The following RPS6KA2 variants were observed in gnomAD, a reference collection of about 807,000 sequenced individuals.
The protein encoded by RPS6KA2 is ribosomal protein S6 kinase alpha-2.
A neutral mutation model predicts 91.8 loss-of-function variants in RPS6KA2; 42 were observed. That is an observed-to-expected ratio of 0.46 (90% CI 0.36 to 0.59). The LOEUF is 0.59. RPS6KA2 is among the 20% of genes least tolerant of loss of function. RPS6KA2 has a pLI of 0.00. For synonymous variants in RPS6KA2, 414 were observed against 393.6 expected (o/e 1.05, Z -0.61); for missense variants, 798 against 978.5 (o/e 0.82, Z 2.46).
intron 1 of RPS6KA2, among the ~76,000 whole-genome samples, chr6:166,544,307 C>G (rs140620269): frequency 6.6e-6 from 1 of 152,122 alleles, no homozygotes; most frequent in Non-Finnish European, 1.5e-5. Flanking sequence ...TAGCCTCTTC[C>G]GGAAAAGAAA....
chr6:166,545,281 T>C (rs1412769692), intron 1 of RPS6KA2, among the ~76,000 whole-genome samples: 1 of 152,226 alleles, frequency 6.6e-6, no homozygotes, highest in Non-Finnish European at 1.5e-5. Flanking sequence ...CTCTGTTTTC[T>C]CATCCATCCT....
Position 166,514,071 on chromosome 6 carries a change from C to T in RPS6KA2, c.299-3714G>A, listed in dbSNP as rs940986600. Among the ~76,000 whole-genome samples, 15 of 152,222 alleles carry T rather than the reference C, an allele frequency of 9.9e-5. No individual in the cohort carries two copies. The Middle Eastern group carries it at 0.01, about 104-fold the overall frequency. On this transcript the variant is annotated intron_variant, in intron 3 of 20. Transcript: ENST00000265678. The stretch of plus-strand genomic sequence containing the variant: ...AACTGGAAAATAGGCCATAGGATCG[C>T]GGATTGTGGGGAGATGTGGGAGCAA...
chr6:166,699,687 G>A (rs1307131430), intron 2 of RPS6KA2, among the ~76,000 whole-genome samples: 3 of 152,200 alleles, frequency 2.0e-5, no homozygotes, highest in Non-Finnish European at 4.4e-5. Flanking sequence ...AAGTTAAGGA[G>A]TGAGCAAATG....
Position 166,531,309 on chromosome 6 carries a change from A to T in RPS6KA2, c.221T>A (p.Phe74Tyr), listed in dbSNP as rs1449672354. Residue 74 changes from phenylalanine to tyrosine, a missense_variant, in exon 3 of 21, where the codon TTC (phenylalanine) becomes TAC (tyrosine). Coordinates refer to ENST00000265678, the MANE Select transcript of RPS6KA2 (RefSeq NM_021135.6). Reference protein sequence around the residue: ...VLGQGSYGKVFLVRKVKGSDA... With the variant: ...VLGQGSYGKVYLVRKVKGSDA... ...GGACCCCTTCACCTTCCTCACCAGG[A>T]ACACCTTAGCAAGAGAAAACGGAAC... 3 of 1,613,644 alleles carry T rather than the reference A, an allele frequency of 1.9e-6. No individual in the cohort carries two copies. The highest frequency in any genetic ancestry group is 2.5e-6 in the Non-Finnish European group (3 of 1,179,556).
intron 5 of RPS6KA2, among the ~76,000 whole-genome samples, chr6:166,505,145 A>G (rs1043629799): frequency 6.6e-6 from 1 of 152,064 alleles, no homozygotes; most frequent in Non-Finnish European, 1.5e-5. Flanking sequence ...TCTACCAAAG[A>G]TCACCCACAG....
chr6:166,681,327 C>G (rs1788801259), intron 2 of RPS6KA2, among the ~76,000 whole-genome samples: 2 of 152,124 alleles, frequency 1.3e-5, no homozygotes, highest in South Asian at 4.1e-4. Context: ...TGCTTATTTC[C>G]CAAGAAAAAT....
At chr6:166,431,921 C>T (rs974505388) in intron 15 of RPS6KA2, among the ~76,000 whole-genome samples, 3 of 152,224 alleles carry the variant, frequency 2.0e-5, no homozygotes, top group African/African-American at 7.2e-5. Context: ...AGCCACCGCA[C>T]CCGGCCTGTT....
At chr6:166,736,061 G>A (rs943470885) in intron 2 of RPS6KA2, among the ~76,000 whole-genome samples, 1 of 152,222 alleles carries the variant, frequency 6.6e-6, no homozygotes, top group Non-Finnish European at 1.5e-5. Context: ...ATGCAGAACA[G>A]CTGATTTTCT....
Position 166,480,460 on chromosome 6 carries a change from A to G in RPS6KA2, c.907+8373T>C, listed in dbSNP as rs938505453. Among the ~76,000 whole-genome samples, 5 of 128,230 alleles carry G rather than the reference A, an allele frequency of 3.9e-5. No individual in the cohort carries two copies. In the South Asian group the frequency reaches 1.2e-3, roughly 31 times the overall value. The allele number at this position is 128,230 out of a possible 152,430, so 84.1% of individuals were successfully genotyped here. On this transcript the variant is annotated intron_variant, in intron 10 of 20. Transcript: ENST00000265678. ...TGGACCTGACAAGCAAGAATCTTAT[A>G]TTCCTTAAGATTGTGATTTTATATA... is the stretch of plus-strand genomic sequence containing the variant.
chr6:166,439,846 G>C (rs1280498786), intron 14 of RPS6KA2: 1 of 152,324 alleles, frequency 6.6e-6, no homozygotes, highest in African/African-American at 2.4e-5. Flanking sequence ...TTATAGTTCA[G>C]CTTCCTGGGC....
At chr6:166,432,088 T>C (rs1015745640) in intron 15 of RPS6KA2, among the ~76,000 whole-genome samples, 3 of 152,262 alleles carry the variant, frequency 2.0e-5, no homozygotes, top group Non-Finnish European at 4.4e-5. Context: ...AATTGTCTCC[T>C]GTCTGTGCTC....
chr6:166,556,446 C>T (rs968839678), intron 1 of RPS6KA2, among the ~76,000 whole-genome samples: 11 of 152,218 alleles, frequency 7.2e-5, no homozygotes, highest in Admixed American at 2.0e-4. Flanking sequence ...TAATCTCCAC[C>T]TCTGAGTCAA....
chr6:166,472,880 A>G (rs1780823071), intron 10 of RPS6KA2, among the ~76,000 whole-genome samples: 1 of 152,200 alleles, frequency 6.6e-6, no homozygotes, highest in Non-Finnish European at 1.5e-5. Context: ...AGGGACAGAA[A>G]CTGTGAGCAC....
rs187047016 is a variant in RPS6KA2 at position 166,534,038 on chromosome 6, T to C, written c.217-2725A>G. 4.7e-3 allele frequency among the ~76,000 whole-genome samples: 710 copies of C among 151,906 alleles called. 3 individuals are homozygous for C. Among genetic ancestry groups the C allele is most frequent in the African/African-American group, 0.015 (606 of 41,466 alleles). ...GAGATTGAGACCATTCTGGTTAACA[T>C]GGTGAAACTCCGTCTCTACTAAAAA... On this transcript the variant is annotated intron_variant, in intron 2 of 20. Coordinates refer to ENST00000265678, the MANE Select transcript of RPS6KA2 (RefSeq NM_021135.6).
At chr6:166,701,504 G>T in intron 2 of RPS6KA2, 1 of 1,337,516 alleles carries the variant, frequency 7.5e-7, no homozygotes, top group Non-Finnish European at 1.1e-6. Context: ...GCTTCCACTG[G>T]AGCAATCTTA....
intron 10 of RPS6KA2, among the ~76,000 whole-genome samples, chr6:166,471,656 T>C (rs1399258967): frequency 6.6e-6 from 1 of 152,260 alleles, no homozygotes; most frequent in Non-Finnish European, 1.5e-5. Flanking sequence ...AGTCATCCGA[T>C]GCACAATTGC....
chr6:166,551,012 G>T (rs200280797), intron 1 of RPS6KA2, among the ~76,000 whole-genome samples: 5 of 85,406 alleles, frequency 5.9e-5, no homozygotes, highest in East Asian at 4.3e-4. Context: ...AAAAAAAAAA[G>T]AACGTGAAAT....
chr6:166,848,242 A>C (rs569595329), intron 2 of RPS6KA2, among the ~76,000 whole-genome samples: 83 of 152,234 alleles, frequency 5.5e-4, no homozygotes, highest in Non-Finnish European at 1.0e-3. Flanking sequence ...CCCATAATTT[A>C]AAAAATCAAA....
At chr6:166,715,789 G>A (rs539350745) in intron 2 of RPS6KA2, among the ~76,000 whole-genome samples, 6 of 152,312 alleles carry the variant, frequency 3.9e-5, no homozygotes, top group Non-Finnish European at 8.8e-5. Flanking sequence ...TGTAATCCCA[G>A]CACTTTGGGA....
Sources: gnomAD v4.1 joint callset for allele counts (sites outside exome capture counted in the v4.1 genomes callset) on GRCh38, gnomAD v4.1.1 for gene constraint, MANE v1.5 for transcripts, NCBI Gene and HGNC (gene_info 2026-07-23, HGNC 2026-07-21) for gene names.